Variants in WDR72 observed in about 807,000 individuals in gnomAD.
The protein encoded by WDR72 is WD repeat-containing protein 72.
A neutral mutation model predicts 124.2 loss-of-function variants in WDR72; 120 were observed. The observed-to-expected ratio is 0.97, with a 90% CI of 0.83 to 1.12. The LOEUF is 1.12. Among genes scored for constraint, WDR72 ranks in the 50% most tolerant of loss-of-function variants. The probability of loss-of-function intolerance (pLI) is 0.00; values close to 1 mark genes in which losing one functional copy is unlikely to be tolerated. For missense variants in WDR72, 1,387 were observed against 1,278.8 expected (o/e 1.08, Z -1.29); for synonymous variants, 452 against 441.7 (o/e 1.02, Z -0.29).
At chr15:53,755,758 C>T (rs113741935) in intron 1 of WDR72, among the ~76,000 whole-genome samples, 3 of 152,132 alleles carry the variant, frequency 2.0e-5, no homozygotes, top group Admixed American at 6.6e-5. Flanking sequence ...AGGTAGAGAG[C>T]GCAGCAGAGG....
chr15:53,725,272 T>C (rs1382043113), intron 2 of WDR72, among the ~76,000 whole-genome samples: 4 of 152,056 alleles, frequency 2.6e-5, no homozygotes, highest in Non-Finnish European at 5.9e-5. Context: ...GCACACCTAT[T>C]AAAATGGCCA....
intron 12 of WDR72, among the ~76,000 whole-genome samples, chr15:53,700,931 A>C (rs572595515): frequency 1.4e-4 from 21 of 152,180 alleles, no homozygotes; most frequent in Non-Finnish European, 2.5e-4. Flanking sequence ...ACTTACATAC[A>C]TACACACACA....
At chr15:53,726,164 G>A (rs1037605271) in intron 2 of WDR72, among the ~76,000 whole-genome samples, 1 of 147,056 alleles carries the variant, frequency 6.8e-6, no homozygotes, top group African/African-American at 2.5e-5. Context: ...TGATATGTAA[G>A]TTAATTGGTT....
intron 1 of WDR72, among the ~76,000 whole-genome samples, chr15:53,751,055 GA>G (rs1008714727): frequency 9.9e-5 from 15 of 152,192 alleles, no homozygotes; most frequent in African/African-American, 3.6e-4. Flanking sequence ...TCCAATTTTG[GA>G]AAAAGTTCTG....
chr15:53,712,427 C>T (rs1443834995), intron 7 of WDR72, among the ~76,000 whole-genome samples: 2 of 152,116 alleles, frequency 1.3e-5, no homozygotes, highest in Non-Finnish European at 2.9e-5. Context: ...GAAACCCGGT[C>T]TCTCCTAAAA....
chr15:53,615,305 T>C (rs1316735052), intron 15 of WDR72, 121 bp downstream of exon 15: 1 of 736,878 alleles, frequency 1.4e-6, no homozygotes, highest in East Asian at 2.8e-5. Flanking sequence ...CCAGAAATTG[T>C]TGCATACTTA....
At chr15:53,605,282 T>C (rs1024515372) in intron 17 of WDR72, among the ~76,000 whole-genome samples, 1 of 152,114 alleles carries the variant, frequency 6.6e-6, no homozygotes, top group Non-Finnish European at 1.5e-5. Context: ...AAGTGGGAGC[T>C]AAATGATGGG....
intron 9 of WDR72, among the ~76,000 whole-genome samples, chr15:53,708,863 G>C (rs528666250): frequency 6.6e-6 from 1 of 152,254 alleles, no homozygotes; most frequent in East Asian, 1.9e-4. Context: ...TGCACCACAG[G>C]CCTCAGCAAT....
In WDR72 at chr15:53,515,675, C is replaced by T. The variant is rs1891421045; in HGVS notation, c.*2024G>A. On this transcript the variant is annotated 3_prime_UTR_variant, in exon 20 of 20. Transcript: ENST00000360509. ...ATGCCGAAAAATCCTAACATTTCCA[C>T]TTAGTAATGTCAGGGTTGTGCCAGT... 1 of 152,128 alleles carries T rather than the reference C, an allele frequency of 6.6e-6. No individual in the cohort carries two copies. Among genetic ancestry groups the T allele is most frequent in the African/African-American group, 2.4e-5 (1 of 41,450 alleles). The allele number at this position is 152,128 out of a possible 1,614,324, so 9.4% of individuals were successfully genotyped here. A position where few individuals can be genotyped will look rare whatever the true frequency, so the allele number is the denominator to read the frequency against.
chr15:53,650,725 T>C (rs1279019109), intron 14 of WDR72, among the ~76,000 whole-genome samples: 1 of 152,050 alleles, frequency 6.6e-6, no homozygotes, highest in African/African-American at 2.4e-5. Context: ...CACTGGCACT[T>C]TGGGATATAG....
chr15:53,705,376 G>A, intron 10 of WDR72, 143 bp from the exon 11 acceptor site: 1 of 750,712 alleles, frequency 1.3e-6, no homozygotes, highest in South Asian at 1.6e-5. Context: ...TTCATCTCTT[G>A]GGAAGTTCAA....
chr15:53,547,820 G>A (rs1481461131), intron 18 of WDR72, among the ~76,000 whole-genome samples: 2 of 152,130 alleles, frequency 1.3e-5, no homozygotes, highest in African/African-American at 4.8e-5. Flanking sequence ...GGTGGTAGGC[G>A]CTTCAAGCAT....
intron 18 of WDR72, among the ~76,000 whole-genome samples, chr15:53,559,101 C>T (rs538457255): frequency 1.1e-4 from 16 of 151,966 alleles, no homozygotes; most frequent in African/African-American, 2.6e-4. Flanking sequence ...GCAACGCCAA[C>T]GTTAAATGGT....
chr15:53,741,806 CA>C (rs2018517670), intron 1 of WDR72, among the ~76,000 whole-genome samples: 1 of 151,926 alleles, frequency 6.6e-6, no homozygotes, highest in Non-Finnish European at 1.5e-5. Flanking sequence ...CTGCTCACTG[CA>C]AACTCTGCCT....
At chr15:53,577,621 T>C (rs1315650511) in intron 18 of WDR72, among the ~76,000 whole-genome samples, 1 of 152,152 alleles carries the variant, frequency 6.6e-6, no homozygotes, top group Non-Finnish European at 1.5e-5. Flanking sequence ...CAGGAAAGAA[T>C]GTTTATCCTC....
chr15:53,617,605 T>G (rs1005421482), intron 14 of WDR72, among the ~76,000 whole-genome samples: 2 of 151,736 alleles, frequency 1.3e-5, no homozygotes, highest in Non-Finnish European at 2.9e-5. Context: ...TGCAAATCAA[T>G]AAGAAGAGGC....
At chr15:53,568,865 C>A (rs1052108105) in intron 18 of WDR72, among the ~76,000 whole-genome samples, 1 of 151,904 alleles carries the variant, frequency 6.6e-6, no homozygotes, top group African/African-American at 2.4e-5. Context: ...TTGAACACAT[C>A]ATTGATACAT....
At position 53,699,830 on chromosome 15, in the gene WDR72, A is replaced by T; in HGVS notation, c.1685T>A (p.Met562Lys). Residue 562 changes from methionine (M) to lysine (K), a missense_variant, in exon 13 of 20, where the codon ATG becomes AAG. Coordinates refer to ENST00000360509, the MANE Select transcript of WDR72 (RefSeq NM_182758.4). Reference sequence around the variant, plus strand: ...ATTCTCAACCGGGTGCCATTTTATCATCCTCACAGGAAAAAGGTGCTTCCG... The same window carrying T: ...ATTCTCAACCGGGTGCCATTTTATCTTCCTCACAGGAAAAAGGTGCTTCCG... ...HARKHLFPVR[M>K]IKWHPVENFL... 3 of 1,614,184 alleles carry T rather than the reference A, an allele frequency of 1.9e-6. No homozygotes were observed. The highest frequency in any genetic ancestry group is 2.5e-6 in the Non-Finnish European group (3 of 1,180,024).
chr15:53,762,606 G>A (rs958443683), upstream of WDR72: 1 of 152,222 alleles, frequency 6.6e-6, no homozygotes, highest in Non-Finnish European at 1.5e-5. Context: ...TTATATCAAA[G>A]TTAATATCCC....
Sources: gnomAD v4.1 joint callset for allele counts (sites outside exome capture counted in the v4.1 genomes callset) on GRCh38, gnomAD v4.1.1 for gene constraint, MANE v1.5 for transcripts, NCBI Gene and HGNC (gene_info 2026-07-23, HGNC 2026-07-21) for gene names.